The following MUC17 variants were observed in gnomAD, a reference collection of about 807,000 sequenced individuals.
MUC17 encodes mucin-17.
MUC17 carries 190 observed loss-of-function variants against 170.3 expected under a neutral mutation model. The observed-to-expected ratio is 1.12, with a 90% CI of 0.99 to 1.26. The LOEUF (loss-of-function observed/expected upper bound fraction) is 1.26, where lower values mean the gene tolerates loss of function less well. Ranked by LOEUF, MUC17 falls within the 50% of genes most tolerant of loss-of-function variation. The pLI is 0.00. For synonymous variants in MUC17, 2,325 were observed against 2,002.5 expected (o/e 1.16, Z -4.30); for missense variants, 6,415 against 5,530.0 (o/e 1.16, Z -5.08).
At chr7:101,050,756 G>T (rs1794926032) in intron 7 of MUC17, 121 bp downstream of exon 7, 6 of 1,384,962 alleles carry the variant, frequency 4.3e-6, no homozygotes, top group Non-Finnish European at 4.8e-6. Context: ...ATCACTGTGG[G>T]GTCCTAGAGT....
chr7:101,032,692 ACTG>A lies in MUC17; in HGVS notation c.1279_1281del (p.Ala427del), dbSNP rs1441693027. ...TGTTGACTCCAAAACTTTTGTGACC[ACTG>A]CTAGTGAAGCCAGCTCATCTCCCAC... On this transcript the variant is annotated inframe_deletion, in exon 3 of 13. Transcript: ENST00000306151. 1 of 1,574,350 alleles carries A rather than the reference ACTG, an allele frequency of 6.4e-7. No individual in the cohort carries two copies. The highest frequency in any genetic ancestry group is 2.4e-5 in the East Asian group (1 of 42,352).
chr7:101,021,235 G>A (rs1356220855), intron 1 of MUC17, among the ~76,000 whole-genome samples: 1 of 143,728 alleles, frequency 7.0e-6, no homozygotes, highest in Non-Finnish European at 1.5e-5. Context: ...ACCCAGGCTG[G>A]AGTTCTGTAG....
At position 101,034,304 on chromosome 7, in the gene MUC17, C is replaced by A. The variant is rs1371676392; in HGVS notation, c.2888C>A (p.Ser963Ter). 1 of 1,610,102 alleles carries A rather than the reference C, an allele frequency of 6.2e-7. No homozygotes were observed. The highest frequency in any genetic ancestry group is 2.3e-5 in the East Asian group (1 of 44,238). ...GTGACCACTTCTACTGAAGCCACTT[C>A]ATCTCCTACAACTGCTGAAGGTACC... ...TPVTTSTEAT[S>*]SPTTAEGTSI... The change falls in exon 3 of 13, where the codon TCA becomes TAA. Residue 963 changes from serine (S) to a stop codon, truncating the protein, a stop_gained. Coordinates refer to ENST00000306151, the MANE Select transcript of MUC17 (RefSeq NM_001040105.2). LOFTEE classifies it high-confidence loss of function.
chr7:101,041,123 G>A lies in MUC17; in HGVS notation c.9707G>A (p.Ser3236Asn), dbSNP rs569041739. ...CCTGTCAGCAACACGCCGGTGGCCAGTTCTGAGGCTAGCATCCTTTCAACA... is the reference window on the plus strand; with the variant it reads ...CCTGTCAGCAACACGCCGGTGGCCAATTCTGAGGCTAGCATCCTTTCAACA... ...SVPVSNTPVASSEASILSTTP... is the reference protein window; with the variant it reads ...SVPVSNTPVANSEASILSTTP... Residue 3236 changes from serine to asparagine, a missense_variant, in exon 3 of 13, where the codon AGT becomes AAT. Transcript: ENST00000306151. 6.8e-6 allele frequency: 11 copies of A among 1,613,552 alleles called. No homozygotes were observed. Among genetic ancestry groups the A allele is most frequent in the African/African-American group, 5.3e-5 (4 of 74,850 alleles).
rs1794948013 is a variant in MUC17, at chr7:101,051,735, G to A, written c.12943+54G>A. 3.1e-6 allele frequency: 5 copies of A among 1,606,456 alleles called. No homozygotes were observed. In the South Asian group the frequency reaches 5.5e-5, roughly 18 times the overall value. On this transcript the variant is annotated intron_variant, in intron 8 of 12. Transcript: ENST00000306151. ...AAGGCTGGAGAGGTGGGGAGCCCAG[G>A]AGGAGTGGGACAGTGTCCCCCCAGC...
rs1794485403 is a variant in MUC17 at position 101,036,532 on chromosome 7, G to A, written c.5116G>A (p.Ala1706Thr). Reference protein sequence around the residue: ...TVRTTPVASSAISTLSTTPVD... With the variant: ...TVRTTPVASSTISTLSTTPVD... Reference sequence around the variant, plus strand: ...CAGAACAACACCGGTGGCCAGCTCTGCAATCAGCACCCTTTCAACAACTCC... The same window carrying A: ...CAGAACAACACCGGTGGCCAGCTCTACAATCAGCACCCTTTCAACAACTCC... The change falls in exon 3 of 13, where the codon GCA (alanine) becomes ACA (threonine). Residue 1706 changes from alanine to threonine, a missense_variant. Physicochemically the swap from Ala to Thr is moderately conservative, Grantham distance 58. Coordinates refer to ENST00000306151, the MANE Select transcript of MUC17 (RefSeq NM_001040105.2). The A allele has an allele frequency of 6.2e-7, 1 of 1,610,650 alleles. No individual in the cohort carries two copies. Among genetic ancestry groups the A allele is most frequent in the Non-Finnish European group, 8.5e-7 (1 of 1,178,034 alleles).
Position 101,037,444 on chromosome 7 carries a change from GT to G in MUC17, c.6030del (p.Asp2011ThrfsTer36). 1.2e-6 allele frequency: 2 copies of G among 1,611,370 alleles called. No homozygotes were observed. Among genetic ancestry groups the G allele is most frequent in the Non-Finnish European group, 1.7e-6 (2 of 1,178,366 alleles). On this transcript the variant is annotated frameshift_variant, in exon 3 of 13. Transcript: ENST00000306151. LOFTEE classifies it high-confidence loss of function. ...SEASTLSTTPVDTSTPATTST... is the reference protein window; with the variant it reads ...SEASTLSTTPXDTSTPATTST... ...GGCTAGCACTCTTTCCACAACTCCTGTTGACACCAGCACTCCTGCCACCACT... is the reference window on the plus strand; with the variant it reads ...GGCTAGCACTCTTTCCACAACTCCTGTGACACCAGCACTCCTGCCACCACT...
At chr7:101,049,429 T>C in intron 6 of MUC17, 47 bp downstream of exon 6, 1 of 1,583,576 alleles carries the variant, frequency 6.3e-7, no homozygotes, top group Non-Finnish European at 8.6e-7. Flanking sequence ...GTGGAAGCAG[T>C]GGTCATAGTT....
Position 101,039,342 on chromosome 7 carries a change from C to T in MUC17, c.7926C>T (p.Thr2642=). The T allele has an allele frequency of 6.2e-7, 1 of 1,613,152 alleles. No individual in the cohort carries two copies. Among genetic ancestry groups the T allele is most frequent in the East Asian group, 2.2e-5 (1 of 44,874 alleles). ...CATTAACAAGTATACTTGTCAGCAC[C>T]ATGCCAGTGGCCAGTTCTGAGGCTA... ...STSLTSILVS[T]MPVASSEAST... The change falls in exon 3 of 13, where the codon ACC becomes ACT. Residue 2642 remains threonine, a synonymous_variant. Coordinates refer to ENST00000306151, the MANE Select transcript of MUC17 (RefSeq NM_001040105.2).
At chr7:101,047,556 G>A (rs755643556) in intron 3 of MUC17, among the ~76,000 whole-genome samples, 8 of 152,082 alleles carry the variant, frequency 5.3e-5, no homozygotes, top group Non-Finnish European at 7.4e-5. Flanking sequence ...GGAGCCGGGC[G>A]CAGTGGCTCA....
chr7:101,048,204 G>C, intron 4 of MUC17, 89 bp downstream of exon 4: 1 of 1,324,172 alleles, frequency 7.6e-7, no homozygotes, highest in Admixed American at 2.9e-5. Flanking sequence ...TTGATGTGAG[G>C]CCAGGAATAG....
At chr7:101,053,656 C>G (rs1352436580) in intron 11 of MUC17, 2 of 427,264 alleles carry the variant, frequency 4.7e-6, no homozygotes, top group Non-Finnish European at 4.2e-6. Flanking sequence ...GGCAGGTGGA[C>G]CACTTGAGGT....
intron 1 of MUC17, among the ~76,000 whole-genome samples, chr7:101,024,864 T>G (rs963788339): frequency 6.6e-6 from 1 of 151,358 alleles, no homozygotes; most frequent in Non-Finnish European, 1.5e-5. Flanking sequence ...GGCCTTCTTT[T>G]AAAAAAAGAA....
chr7:101,036,715 A>C lies in MUC17; in HGVS notation c.5299A>C (p.Ser1767Arg). The change falls in exon 3 of 13, where the codon AGC (serine) becomes CGC (arginine). Residue 1767 changes from serine (S) to arginine (R), a missense_variant. Transcript: ENST00000306151. ...STTPVLSSEA[S>R]TLSATPIDTS... ...CACGCCGGTACTCAGTTCTGAGGCT[A>C]GCACCCTTTCAGCAACTCCTATTGA... The C allele has an allele frequency of 6.2e-7, 1 of 1,612,804 alleles. No individual in the cohort carries two copies. Among genetic ancestry groups the C allele is most frequent in the Admixed American group, 1.7e-5 (1 of 59,920 alleles).
At chr7:101,031,022 C>A in intron 1 of MUC17, 98 bp from the exon 2 acceptor site, 2 of 1,418,152 alleles carry the variant, frequency 1.4e-6, no homozygotes, top group African/African-American at 2.9e-5. Context: ...GTTCAGGGGC[C>A]AGGGACTTTC....
At chr7:101,045,860 G>A (rs2116465193) in intron 3 of MUC17, among the ~76,000 whole-genome samples, 1 of 152,228 alleles carries the variant, frequency 6.6e-6, no homozygotes, top group East Asian at 1.9e-4. Context: ...CCAGGTGGCT[G>A]CAATGCCACT....
At chr7:101,031,453 C>A (rs186080652) in intron 2 of MUC17, 148 bp from the exon 3 acceptor site, 1 of 1,056,656 alleles carries the variant, frequency 9.5e-7, no homozygotes, top group Non-Finnish European at 1.3e-6. Context: ...GACTAACACA[C>A]TGGAGAAACT....
In MUC17 at chr7:101,042,681, GACC is replaced by G; in HGVS notation, c.11268_11270del (p.Thr3757del). 1.2e-6 allele frequency: 2 copies of G among 1,613,784 alleles called. No homozygotes were observed. Among genetic ancestry groups the G allele is most frequent in the South Asian group, 1.1e-5 (1 of 91,078 alleles). ...TGCCCATGGAAATAAGCACCCTTGG[GACC>G]ACTATTCTTGTCAGTACCACACCTG... On this transcript the variant is annotated inframe_deletion, in exon 3 of 13. Transcript: ENST00000306151.
At position 101,050,546 on chromosome 7, in the gene MUC17, A is replaced by G. The variant is rs1330619529; in HGVS notation, c.12785A>G (p.Lys4262Arg). The G allele has an allele frequency of 1.2e-6, 2 of 1,614,200 alleles. No individual in the cohort carries two copies. The highest frequency in any genetic ancestry group is 8.5e-7 in the Non-Finnish European group (1 of 1,180,020). ...LLRTKYTPEYKTVLDNATEVV... is the reference protein window; with the variant it reads ...LLRTKYTPEYRTVLDNATEVV... The stretch of plus-strand genomic sequence containing the variant: ...AGAACCAAGTACACACCAGAATACA[A>G]GACAGTATTGGACAATGCCACCGAA... The change falls in exon 7 of 13, where the codon AAG becomes AGG. Residue 4262 changes from lysine to arginine, a missense_variant. Coordinates refer to ENST00000306151, the MANE Select transcript of MUC17 (RefSeq NM_001040105.2).
Sources: allele counts gnomAD v4.1 joint callset (sites outside exome capture counted in the v4.1 genomes callset), GRCh38; gene constraint gnomAD v4.1.1; transcripts MANE v1.5; gene names NCBI Gene and HGNC (gene_info 2026-07-23, HGNC 2026-07-21).